Variants in NTNG1 observed in about 807,000 individuals in gnomAD.
NTNG1 encodes netrin G1, also known as netrin-G1.
Under a neutral mutation model 54.0 loss-of-function variants are expected in NTNG1, and 16 were observed. The ratio of observed to expected loss-of-function variants is 0.30; its 90% CI spans 0.20 to 0.45. The LOEUF (loss-of-function observed/expected upper bound fraction) is 0.45, where lower values mean the gene tolerates loss of function less well. NTNG1 is among the 20% of genes least tolerant of loss of function. The pLI is 1.00. For synonymous variants in NTNG1, 255 were observed against 263.1 expected, an observed-to-expected ratio of 0.97 and a Z score of 0.30; for missense variants, 530 against 678.7, an observed-to-expected ratio of 0.78 and a Z score of 2.43.
intron 7 of NTNG1, among the ~76,000 whole-genome samples, chr1:107,445,962 G>A (rs1676282934): frequency 2.0e-5 from 3 of 152,072 alleles, no homozygotes; most frequent in South Asian, 4.1e-4. Flanking sequence ...ATAGGCCATT[G>A]TAAACAGGAA....
At chr1:107,361,605 C>A (rs1670307730) in intron 3 of NTNG1, among the ~76,000 whole-genome samples, 1 of 151,500 alleles carries the variant, frequency 6.6e-6, no homozygotes. Context: ...TCAGGCTGGT[C>A]TCAAACTCCT....
intron 2 of NTNG1, among the ~76,000 whole-genome samples, chr1:107,269,454 C>T (rs550447294): frequency 6.6e-6 from 1 of 152,326 alleles, no homozygotes; most frequent in East Asian, 1.9e-4. Flanking sequence ...ACAGTTACTG[C>T]TTTCCGATAT....
intron 3 of NTNG1, among the ~76,000 whole-genome samples, chr1:107,372,905 A>G (rs1205554996): frequency 6.6e-6 from 1 of 152,152 alleles, no homozygotes; most frequent in Non-Finnish European, 1.5e-5. Context: ...AACTCTGGCA[A>G]TAGTCTTTGC....
At chr1:107,333,021 G>A (rs900251750) in intron 3 of NTNG1, among the ~76,000 whole-genome samples, 1 of 151,954 alleles carries the variant, frequency 6.6e-6, no homozygotes, top group African/African-American at 2.4e-5. Context: ...GAAAGGCTTT[G>A]AATATGTGAA....
chr1:107,267,763 A>T (rs143071544), intron 2 of NTNG1, among the ~76,000 whole-genome samples: 24 of 152,268 alleles, frequency 1.6e-4, no homozygotes, highest in African/African-American at 4.6e-4. Flanking sequence ...GCACACATAC[A>T]TTAACTCCTA....
intron 7 of NTNG1, among the ~76,000 whole-genome samples, chr1:107,453,867 T>C (rs908036296): frequency 2.0e-5 from 3 of 152,138 alleles, no homozygotes; most frequent in African/African-American, 7.2e-5. Context: ...ATTTTAGAGA[T>C]GAGGAAACTG....
chr1:107,237,498 C>T (rs1209307156), intron 2 of NTNG1, among the ~76,000 whole-genome samples: 1 of 152,174 alleles, frequency 6.6e-6, no homozygotes, highest in Non-Finnish European at 1.5e-5. Context: ...AAATGTTAAT[C>T]CCCAAGACAA....
chr1:107,276,147 T>G (rs970225397), intron 2 of NTNG1, among the ~76,000 whole-genome samples: 1 of 152,200 alleles, frequency 6.6e-6, no homozygotes, highest in African/African-American at 2.4e-5. Flanking sequence ...GATCAGACCT[T>G]TTTGCCTTAC....
chr1:107,458,977 G>C (rs187912131), intron 7 of NTNG1, among the ~76,000 whole-genome samples: 159 of 152,224 alleles, frequency 1.0e-3, no homozygotes, highest in Non-Finnish European at 1.9e-3. Flanking sequence ...AGTTTAGAAA[G>C]TTGAACTTTC....
intron 3 of NTNG1, among the ~76,000 whole-genome samples, chr1:107,346,884 T>TAAAAAAAAA (rs537482440): frequency 2.1e-5 from 2 of 97,142 alleles, no homozygotes; most frequent in Non-Finnish European, 3.9e-5. Context: ...TTTTCTATCC[T>TAAAAAAAAA]AAAAAAAAAA....
intron 2 of NTNG1, among the ~76,000 whole-genome samples, chr1:107,254,458 C>G (rs574150128): frequency 1.6e-4 from 25 of 152,366 alleles, no homozygotes; most frequent in Non-Finnish European, 3.2e-4. Flanking sequence ...GCTGCTGCTA[C>G]TGCTGTTTGA....
intron 3 of NTNG1, among the ~76,000 whole-genome samples, chr1:107,370,306 A>C (rs1670841683): frequency 6.6e-6 from 1 of 150,814 alleles, no homozygotes; most frequent in South Asian, 2.1e-4. Context: ...GAGTGCGTTG[A>C]ATCCATTGAT....
intron 7 of NTNG1, among the ~76,000 whole-genome samples, chr1:107,469,661 G>T (rs1479942033): frequency 6.6e-6 from 1 of 151,938 alleles, no homozygotes; most frequent in Non-Finnish European, 1.5e-5. Context: ...GTTCGACCAT[G>T]TTGGCTGGTC....
At chr1:107,356,115 G>A (rs1236672936) in intron 3 of NTNG1, among the ~76,000 whole-genome samples, 1 of 152,044 alleles carries the variant, frequency 6.6e-6, no homozygotes. Flanking sequence ...CTCCATCCTG[G>A]TTATACTTAG....
intron 6 of NTNG1, among the ~76,000 whole-genome samples, chr1:107,431,493 G>A (rs373407519): frequency 6.6e-6 from 1 of 152,100 alleles, no homozygotes; most frequent in Non-Finnish European, 1.5e-5. Flanking sequence ...CCAAAAAGGA[G>A]GAGTAATTTC....
At chr1:107,310,711 T>C (rs533237363) in intron 2 of NTNG1, among the ~76,000 whole-genome samples, 14 of 152,032 alleles carry the variant, frequency 9.2e-5, no homozygotes, top group Admixed American at 4.6e-4. Context: ...TAGAAAATCT[T>C]GGGGGGGAAA....
At chr1:107,333,328 G>C in intron 3 of NTNG1, among the ~76,000 whole-genome samples, 1 of 151,960 alleles carries the variant, frequency 6.6e-6, no homozygotes, top group Non-Finnish European at 1.5e-5. Context: ...TCTACAAAAT[G>C]AGATTTTTAT....
At chr1:107,226,718 T>C (rs1233689874) in intron 2 of NTNG1, among the ~76,000 whole-genome samples, 1 of 152,124 alleles carries the variant, frequency 6.6e-6, no homozygotes, top group African/African-American at 2.4e-5. Context: ...ACAGAAGGAT[T>C]CCCTCAGTTA....
At chr1:107,304,183 C>G (rs1006068318) in intron 2 of NTNG1, among the ~76,000 whole-genome samples, 2 of 151,956 alleles carry the variant, frequency 1.3e-5, no homozygotes, top group African/African-American at 2.4e-5. Flanking sequence ...CTATTGATCA[C>G]ATACTTTTTT....
Sources: gnomAD v4.1 joint callset for allele counts (sites outside exome capture counted in the v4.1 genomes callset) on GRCh38, gnomAD v4.1.1 for gene constraint, MANE v1.5 for transcripts, NCBI Gene and HGNC (gene_info 2026-07-23, HGNC 2026-07-21) for gene names.